The following GRID1 variants were observed in gnomAD, a reference collection of about 807,000 sequenced individuals.
GRID1 encodes the protein glutamate ionotropic receptor delta type subunit 1, also known as glutamate receptor ionotropic, delta-1.
A neutral mutation model predicts 98.0 loss-of-function variants in GRID1; 28 were observed. The ratio of observed to expected loss-of-function variants is 0.29; its 90% CI spans 0.21 to 0.39. GRID1 has a LOEUF of 0.39. Among genes scored for constraint, GRID1 ranks in the 10% least tolerant of loss-of-function variants. The probability of loss-of-function intolerance (pLI) is 1.00; values close to 1 mark genes in which losing one functional copy is unlikely to be tolerated. For synonymous variants in GRID1, 553 were observed against 538.5 expected, an observed-to-expected ratio of 1.03 and a Z score of -0.37; for missense variants, 1,111 against 1,340.5, an observed-to-expected ratio of 0.83 and a Z score of 2.67.
chr10:85,878,458 C>A (rs1406750736), intron 5 of GRID1, among the ~76,000 whole-genome samples: 3 of 152,106 alleles, frequency 2.0e-5, no homozygotes, highest in Admixed American at 2.0e-4. Context: ...AGAGTGGGGG[C>A]CAATATTCAA....
rs117713017 is a variant in GRID1, at chr10:86,297,036, C to T, written c.235+66905G>A. 8.7e-3 allele frequency among the ~76,000 whole-genome samples: 1,324 copies of T among 152,138 alleles called. 30 individuals carry two copies. Among genetic ancestry groups the T allele is most frequent in the South Asian group, 0.037 (179 of 4,820 alleles). ...GAATAAATAGAGAAAATAACTGTTC[C>T]CAGATGGGACTTTATGTTATAAAGA... On this transcript the variant is annotated intron_variant, in intron 2 of 15. Transcript: ENST00000327946.
chr10:86,289,060 A>G (rs141760774), intron 2 of GRID1, among the ~76,000 whole-genome samples: 1,787 of 152,268 alleles, frequency 0.012, 42 homozygotes, highest in African/African-American at 0.041. Flanking sequence ...GGGCCCCAAG[A>G]GCACAGTCAC....
chr10:85,828,548 T>C (rs1259633941), intron 8 of GRID1, among the ~76,000 whole-genome samples: 1 of 151,770 alleles, frequency 6.6e-6, no homozygotes, highest in Non-Finnish European at 1.5e-5. Flanking sequence ...GATCACTATC[T>C]AGTCTAATAA....
intron 4 of GRID1, among the ~76,000 whole-genome samples, chr10:85,988,394 T>C (rs1359912268): frequency 6.6e-6 from 1 of 152,136 alleles, no homozygotes. Context: ...GTAGGGAAGC[T>C]TTTTTCAGTC....
chr10:86,315,244 T>C (rs1424987024), intron 2 of GRID1, among the ~76,000 whole-genome samples: 2 of 152,128 alleles, frequency 1.3e-5, no homozygotes, highest in African/African-American at 4.8e-5. Flanking sequence ...AAAGGCCCAT[T>C]TTCCTCAGCC....
chr10:85,890,808 A>C (rs1004988689), intron 5 of GRID1, among the ~76,000 whole-genome samples: 1 of 152,166 alleles, frequency 6.6e-6, no homozygotes, highest in Non-Finnish European at 1.5e-5. Flanking sequence ...GGGAGAGGGG[A>C]GAAAATGAGT....
At chr10:86,353,966 G>T (rs1172024263) in intron 2 of GRID1, among the ~76,000 whole-genome samples, 2 of 152,222 alleles carry the variant, frequency 1.3e-5, no homozygotes, top group Non-Finnish European at 2.9e-5. Flanking sequence ...CAGAGCTCAG[G>T]TCAGGTCTCA....
At chr10:86,043,371 A>C (rs867241930) in intron 4 of GRID1, among the ~76,000 whole-genome samples, 7 of 152,328 alleles carry the variant, frequency 4.6e-5, no homozygotes, top group Middle Eastern at 6.8e-3. Context: ...GACTGACATA[A>C]GGCAGACCTT....
intron 3 of GRID1, among the ~76,000 whole-genome samples, chr10:86,142,563 G>A (rs1845025448): frequency 6.6e-6 from 1 of 152,234 alleles, no homozygotes; most frequent in Non-Finnish European, 1.5e-5. Context: ...GCTGCAGGAT[G>A]GGCATAAAGG....
intron 4 of GRID1, among the ~76,000 whole-genome samples, chr10:86,056,673 G>A: frequency 6.6e-6 from 1 of 152,212 alleles, no homozygotes. Context: ...GCATCATTGA[G>A]GCAGCAGCTC....
chr10:86,125,894 A>G (rs1277487034), intron 4 of GRID1, among the ~76,000 whole-genome samples: 1 of 152,248 alleles, frequency 6.6e-6, no homozygotes, highest in Non-Finnish European at 1.5e-5. Flanking sequence ...TATAATACCT[A>G]TAACATACAA....
chr10:85,781,045 G>A (rs1024943425), intron 8 of GRID1, among the ~76,000 whole-genome samples: 6 of 152,184 alleles, frequency 3.9e-5, no homozygotes, highest in South Asian at 4.1e-4. Flanking sequence ...CCACTCCTGG[G>A]AAGGAATGAT....
At chr10:86,333,921 AAACC>A (rs1268637790) in intron 2 of GRID1, among the ~76,000 whole-genome samples, 1 of 152,164 alleles carries the variant, frequency 6.6e-6, no homozygotes, top group Non-Finnish European at 1.5e-5. Context: ...TACACAGTTC[AAACC>A]AATGCTGTTT....
intron 4 of GRID1, among the ~76,000 whole-genome samples, chr10:86,001,761 T>C (rs1671314459): frequency 6.6e-6 from 1 of 152,202 alleles, no homozygotes; most frequent in Non-Finnish European, 1.5e-5. Context: ...ATCGAGTGTA[T>C]TAGTTTGCTA....
intron 12 of GRID1, among the ~76,000 whole-genome samples, chr10:85,682,928 A>C (rs527284012): frequency 6.6e-6 from 1 of 152,358 alleles, no homozygotes; most frequent in South Asian, 2.1e-4. Context: ...GCACATGGCT[A>C]GGAAGCCTTT....
At chr10:86,326,704 T>C (rs2132099470) in intron 2 of GRID1, among the ~76,000 whole-genome samples, 1 of 152,280 alleles carries the variant, frequency 6.6e-6, no homozygotes, top group African/African-American at 2.4e-5. Context: ...GTCCCATGGA[T>C]GCACATAATG....
intron 8 of GRID1, among the ~76,000 whole-genome samples, chr10:85,805,427 A>AAT (rs1342909310): frequency 6.6e-6 from 1 of 151,810 alleles, no homozygotes; most frequent in Non-Finnish European, 1.5e-5. Context: ...ATAAACCCTA[A>AAT]ATTGGTCAAA....
At chr10:85,611,834 C>T (rs1056064923) in intron 15 of GRID1, among the ~76,000 whole-genome samples, 3 of 152,210 alleles carry the variant, frequency 2.0e-5, no homozygotes, top group African/African-American at 7.2e-5. Flanking sequence ...CTGTCCCTCC[C>T]ACTGACTTCT....
At chr10:85,888,339 C>G (rs1841147244) in intron 5 of GRID1, among the ~76,000 whole-genome samples, 1 of 152,168 alleles carries the variant, frequency 6.6e-6, no homozygotes, top group Non-Finnish European at 1.5e-5. Context: ...TCTCCTCTCC[C>G]TAAAGACTAG....
Sources: gnomAD v4.1 joint callset for allele counts (sites outside exome capture counted in the v4.1 genomes callset) on GRCh38, gnomAD v4.1.1 for gene constraint, MANE v1.5 for transcripts, NCBI Gene and HGNC (gene_info 2026-07-23, HGNC 2026-07-21) for gene names.